BICD1: variants seen among roughly 807,000 people sequenced by gnomAD.
BICD1 encodes BICD cargo adaptor 1.
BICD1 carries 35 observed loss-of-function variants against 92.5 expected under a neutral mutation model. The ratio of observed to expected loss-of-function variants is 0.38; its 90% CI spans 0.29 to 0.50. BICD1 has a LOEUF of 0.50. Among genes scored for constraint, BICD1 ranks in the 20% least tolerant of loss-of-function variants. The probability of loss-of-function intolerance (pLI) is 0.93; values close to 1 mark genes in which losing one functional copy is unlikely to be tolerated. For synonymous variants in BICD1, 429 were observed against 465.1 expected, an observed-to-expected ratio of 0.92 and a Z score of 1.00; for missense variants, 950 against 1,189.8, an observed-to-expected ratio of 0.80 and a Z score of 2.97.
At chr12:32,214,081 A>G (rs889396604) in intron 1 of BICD1, among the ~76,000 whole-genome samples, 1 of 152,168 alleles carries the variant, frequency 6.6e-6, no homozygotes, top group Non-Finnish European at 1.5e-5. Context: ...ATTAGTTACT[A>G]TAATTTTTTT....
At chr12:32,238,284 A>G (rs1592533474) in intron 2 of BICD1, among the ~76,000 whole-genome samples, 1 of 152,136 alleles carries the variant, frequency 6.6e-6, no homozygotes, top group Non-Finnish European at 1.5e-5. Flanking sequence ...ACTCGTAAAT[A>G]TGGTGGAAAT....
In BICD1 at chr12:32,328,119, C is replaced by A. The variant is rs1162752113; in HGVS notation, c.1664C>A (p.Pro555His). The change falls in exon 5 of 10, where the codon CCC becomes CAC. Residue 555 changes from proline (P) to histidine (H), a missense_variant. Physicochemically the swap from Pro to His is moderately conservative, Grantham distance 77. Transcript: ENST00000652176. This position sits in a 1 kb window ranked among gnomAD's most constrained non-coding sequence, Gnocchi z 4.4. ...GGCAGCCTGAAAGGGCCCGATGATC[C>A]CAGAGGACTTTTGTCCCCACGATTA... Reference protein sequence around the residue: ...RSGSLKGPDDPRGLLSPRLAR... With the variant: ...RSGSLKGPDDHRGLLSPRLAR... 2 of 1,614,122 alleles carry A rather than the reference C, an allele frequency of 1.2e-6. No homozygotes were observed. Among genetic ancestry groups the A allele is most frequent in the Non-Finnish European group, 1.7e-6 (2 of 1,179,998 alleles).
At chr12:32,251,538 A>G (rs1365235840) in intron 2 of BICD1, among the ~76,000 whole-genome samples, 1 of 152,060 alleles carries the variant, frequency 6.6e-6, no homozygotes, top group African/African-American at 2.4e-5. Flanking sequence ...ATTAACACTC[A>G]TATATTGTTT....
chr12:32,166,195 G>C (rs1943765156), intron 1 of BICD1, among the ~76,000 whole-genome samples: 1 of 151,772 alleles, frequency 6.6e-6, no homozygotes, highest in Non-Finnish European at 1.5e-5. Context: ...GAGTGCAGTG[G>C]CGCAATCTCG....
intron 2 of BICD1, among the ~76,000 whole-genome samples, chr12:32,288,006 A>G (rs999190306): frequency 1.3e-5 from 2 of 152,138 alleles, no homozygotes; most frequent in Admixed American, 6.5e-5. Flanking sequence ...GGCTCTTCAC[A>G]TAGTCACAGT....
At chr12:32,178,159 T>A (rs1592424974) in intron 1 of BICD1, among the ~76,000 whole-genome samples, 1 of 151,894 alleles carries the variant, frequency 6.6e-6, no homozygotes, top group East Asian at 1.9e-4. Context: ...AGTCAAATCT[T>A]TAATTAGATG....
Position 32,328,280 on chromosome 12 carries a change from T to C in BICD1, c.1825T>C (p.Ser609Pro). The change falls in exon 5 of 10, where the codon TCA becomes CCA. Residue 609 changes from serine to proline, a missense_variant. Coordinates refer to ENST00000652176, the MANE Select transcript of BICD1 (RefSeq NM_001714.4). The surrounding 1 kb of genome is among the most constrained non-coding windows in gnomAD (Gnocchi z 4.4). ...TISPVITAPP[S>P]SPVLDTSDIR... ...CTCTCCTGTTATTACTGCCCCACCG[T>C]CATCTCCAGTATTGGATACAAGTGA... The C allele has an allele frequency of 1.2e-6, 2 of 1,614,180 alleles. No homozygotes were observed. The highest frequency in any genetic ancestry group is 1.7e-6 in the Non-Finnish European group (2 of 1,180,032).
chr12:32,276,068 G>C (rs1007641942), intron 2 of BICD1, among the ~76,000 whole-genome samples: 1 of 152,084 alleles, frequency 6.6e-6, no homozygotes, highest in African/African-American at 2.4e-5. Context: ...TGGCGACCAT[G>C]AAGGGACCTC....
At chr12:32,226,307 G>C (rs547171101) in intron 2 of BICD1, among the ~76,000 whole-genome samples, 85 of 152,030 alleles carry the variant, frequency 5.6e-4, no homozygotes, top group African/African-American at 2.0e-3. Flanking sequence ...GCTAATTTTT[G>C]TATTTTTAGT....
chr12:32,243,263 A>ACTTTTTTTTTTT (rs1946282599), intron 2 of BICD1, among the ~76,000 whole-genome samples: 1 of 50,204 alleles, frequency 2.0e-5, no homozygotes, highest in Admixed American at 1.9e-4. Context: ...ATGCCTGGCT[A>ACTTTTTTTTTTT]ATTTTTTTTT....
At chr12:32,289,626 G>A (rs543869544) in intron 2 of BICD1, among the ~76,000 whole-genome samples, 185 of 152,220 alleles carry the variant, frequency 1.2e-3, no homozygotes, top group African/African-American at 4.1e-3. Flanking sequence ...CTTGTGATCC[G>A]CCCACCTTGG....
In BICD1 at chr12:32,107,865, C is replaced by T. The variant is rs1941545500; in HGVS notation, c.213+321C>T. 8.0e-6 allele frequency: 5 copies of T among 622,438 alleles called. 1 individual carries two copies. In the East Asian group the frequency reaches 1.4e-4, roughly 17 times the overall value. The allele number at this position is 622,438 out of a possible 1,614,324, so 38.6% of individuals were successfully genotyped here. A position where few individuals can be genotyped will look rare whatever the true frequency, so the allele number is the denominator to read the frequency against. Reference sequence around the variant, plus strand: ...GTTGGAATGTATAAATCAAACTTCTCAAAACCGCTGTTATCTCAAACCCAG... The same window carrying T: ...GTTGGAATGTATAAATCAAACTTCTTAAAACCGCTGTTATCTCAAACCCAG... On this transcript the variant is annotated intron_variant, in intron 1 of 9. Transcript: ENST00000652176.
At position 32,378,949 on chromosome 12, in the gene BICD1, A is replaced by C. The variant is rs1328275921; in HGVS notation, c.*1322A>C. 3 of 152,112 alleles carry C rather than the reference A, an allele frequency of 2.0e-5. No individual in the cohort carries two copies. Among genetic ancestry groups the C allele is most frequent in the African/African-American group, 7.2e-5 (3 of 41,452 alleles). 9.4% of individuals were successfully genotyped at this position (152,112 alleles called of 1,614,324 possible). A position where few individuals can be genotyped will look rare whatever the true frequency, so the allele number is the denominator to read the frequency against. The stretch of plus-strand genomic sequence containing the variant: ...AAATTTATTTTGCACATAATCTGAC[A>C]AACAAGGAAAACAGCTAACTGAGCT... On this transcript the variant is annotated 3_prime_UTR_variant, in exon 10 of 10. Transcript: ENST00000652176.
chr12:32,248,219 A>G (rs1430853826), intron 2 of BICD1, among the ~76,000 whole-genome samples: 1 of 152,220 alleles, frequency 6.6e-6, no homozygotes, highest in African/African-American at 2.4e-5. Context: ...GCTAAGAATT[A>G]ATTACTGGAT....
intron 2 of BICD1, among the ~76,000 whole-genome samples, chr12:32,280,742 G>T (rs182807403): frequency 3.9e-5 from 6 of 152,258 alleles, no homozygotes; most frequent in Admixed American, 3.9e-4. Context: ...TTACTCACTC[G>T]TTGCTAATCA....
intron 1 of BICD1, among the ~76,000 whole-genome samples, chr12:32,111,966 T>C (rs1471857769): frequency 2.6e-5 from 4 of 152,206 alleles, no homozygotes; most frequent in African/African-American, 9.6e-5. Flanking sequence ...ACATTTCTTT[T>C]TTTCTGGACC....
intron 1 of BICD1, among the ~76,000 whole-genome samples, chr12:32,129,917 G>A (rs1269156245): frequency 6.6e-6 from 1 of 152,174 alleles, no homozygotes; most frequent in Non-Finnish European, 1.5e-5. Context: ...AGGGAGGACT[G>A]ACTTATTTGG....
intron 8 of BICD1, among the ~76,000 whole-genome samples, chr12:32,344,333 G>A (rs1938489573): frequency 6.6e-6 from 1 of 152,144 alleles, no homozygotes; most frequent in Non-Finnish European, 1.5e-5. Context: ...GCAGGACTTC[G>A]AAGTAATAGA....
chr12:32,354,147 ATTAC>A (rs1939003978), intron 8 of BICD1: 1 of 152,192 alleles, frequency 6.6e-6, no homozygotes, highest in Non-Finnish European at 1.5e-5. Flanking sequence ...TTGCATGAAT[ATTAC>A]TTTGTTTTAT....
Sources: allele counts gnomAD v4.1 joint callset (sites outside exome capture counted in the v4.1 genomes callset), GRCh38; gene constraint gnomAD v4.1.1; non-coding constraint Gnocchi (gnomAD v3.1); transcripts MANE v1.5; gene names NCBI Gene and HGNC (gene_info 2026-07-23, HGNC 2026-07-21).